Variants in DRC8 observed in about 807,000 individuals in gnomAD.
DRC8 encodes dynein regulatory complex protein 8.
the DRC8 span, among the ~76,000 whole-genome samples, chr1:245,093,344 T>C: frequency 6.6e-6 from 1 of 152,136 alleles, no homozygotes; most frequent in African/African-American, 2.4e-5. Context: ...CAGGAATTAT[T>C]TACCTCATCT....
At chr1:244,974,648 C>T in the DRC8 span, among the ~76,000 whole-genome samples, 6 of 151,946 alleles carry the variant, frequency 3.9e-5, no homozygotes, top group African/African-American at 9.7e-5. Context: ...CCTTAAATAA[C>T]GTCTTTGTTT....
At chr1:245,120,391 G>A in the DRC8 span, among the ~76,000 whole-genome samples, 9 of 152,132 alleles carry the variant, frequency 5.9e-5, no homozygotes, top group South Asian at 4.1e-4. Flanking sequence ...ATTCTATTGC[G>A]TGAATGTGCC....
chr1:244,970,478 C>A, the DRC8 span: 3 of 1,523,284 alleles, frequency 2.0e-6, no homozygotes, highest in Admixed American at 4.0e-5. Context: ...GCTGCCCTCG[C>A]CGCCCGCCGC....
chr1:244,974,840 C>A, the DRC8 span, among the ~76,000 whole-genome samples: 1 of 152,032 alleles, frequency 6.6e-6, no homozygotes, highest in Non-Finnish European at 1.5e-5. Context: ...GGACTACAGG[C>A]GCAAGCCACC....
At chr1:244,989,466 T>A in the DRC8 span, among the ~76,000 whole-genome samples, 6 of 152,168 alleles carry the variant, frequency 3.9e-5, no homozygotes, top group Admixed American at 3.3e-4. Context: ...ATTTGATGTT[T>A]GTGTCCTGAT....
chr1:245,086,435 A>G, the DRC8 span, among the ~76,000 whole-genome samples: 1 of 152,346 alleles, frequency 6.6e-6, no homozygotes, highest in Non-Finnish European at 1.5e-5. Context: ...GATTCAAGCT[A>G]CTTGCACATT....
chr1:245,005,076 AT>A, the DRC8 span, among the ~76,000 whole-genome samples: 1 of 152,106 alleles, frequency 6.6e-6, no homozygotes, highest in South Asian at 2.1e-4. Context: ...AATGTGGTGT[AT>A]TATGGTGATT....
At chr1:245,000,658 A>G in the DRC8 span, among the ~76,000 whole-genome samples, 11 of 152,050 alleles carry the variant, frequency 7.2e-5, no homozygotes, top group East Asian at 1.7e-3. Context: ...GCAGGTGTCT[A>G]TAGTCCCAGC....
At chr1:245,010,010 G>A in the DRC8 span, among the ~76,000 whole-genome samples, 81 of 152,054 alleles carry the variant, frequency 5.3e-4, no homozygotes, top group African/African-American at 1.8e-3. Context: ...ACAGGCGTGC[G>A]CCACCACGTC....
the DRC8 span, among the ~76,000 whole-genome samples, chr1:245,048,388 G>C: frequency 1.3e-5 from 2 of 152,320 alleles, no homozygotes; most frequent in Non-Finnish European, 2.9e-5. Flanking sequence ...TGAAGCCAAA[G>C]TGATACAGAT....
the DRC8 span, among the ~76,000 whole-genome samples, chr1:245,031,401 T>C: frequency 6.6e-6 from 1 of 151,924 alleles, no homozygotes; most frequent in African/African-American, 2.4e-5. Flanking sequence ...ATGGAGGTAA[T>C]GGGTGCTACT....
the DRC8 span, among the ~76,000 whole-genome samples, chr1:245,051,059 G>A: frequency 6.6e-6 from 1 of 151,954 alleles, no homozygotes; most frequent in Non-Finnish European, 1.5e-5. Flanking sequence ...TGGTAGAGAT[G>A]GGGACTTGCC....
the DRC8 span, among the ~76,000 whole-genome samples, chr1:245,054,424 C>T: frequency 6.6e-6 from 1 of 152,128 alleles, no homozygotes; most frequent in Admixed American, 6.5e-5. Flanking sequence ...ACGGAGAGTG[C>T]CCTTGTCAAA....
the DRC8 span, among the ~76,000 whole-genome samples, chr1:245,002,895 A>T: frequency 6.6e-6 from 1 of 151,926 alleles, no homozygotes. Flanking sequence ...CCACCATCCA[A>T]CTTCAGAACC....
the DRC8 span, among the ~76,000 whole-genome samples, chr1:245,115,222 A>AT: frequency 6.6e-6 from 1 of 151,058 alleles, no homozygotes; most frequent in Non-Finnish European, 1.5e-5. Context: ...TAATTTTTGT[A>AT]TTTTTTGTAG....
At chr1:244,983,739 C>A in the DRC8 span, among the ~76,000 whole-genome samples, 456 of 100,642 alleles carry the variant, frequency 4.5e-3, no homozygotes, top group South Asian at 6.2e-3. Flanking sequence ...GACTCTGTCT[C>A]AAAAAAAAAA....
chr1:245,083,226 G>C, the DRC8 span, among the ~76,000 whole-genome samples: 1 of 152,112 alleles, frequency 6.6e-6, no homozygotes, highest in Non-Finnish European at 1.5e-5. Flanking sequence ...GCGTGTTAGG[G>C]ATCTAAGTTG....
At chr1:245,108,136 C>G in the DRC8 span, among the ~76,000 whole-genome samples, 1 of 152,098 alleles carries the variant, frequency 6.6e-6, no homozygotes, top group Non-Finnish European at 1.5e-5. Context: ...GTCACCCACC[C>G]GTCACCCAGT....
At chr1:244,993,525 T>G in the DRC8 span, among the ~76,000 whole-genome samples, 8 of 152,220 alleles carry the variant, frequency 5.3e-5, no homozygotes. Flanking sequence ...ACTTGCCCCT[T>G]ACCACTCAAC....
Sources: allele counts gnomAD v4.1 joint callset (sites outside exome capture counted in the v4.1 genomes callset), GRCh38; gene constraint gnomAD v4.1.1; transcripts MANE v1.5; gene names NCBI Gene and HGNC (gene_info 2026-07-23, HGNC 2026-07-21).